Variants in MYOM2 observed in about 807,000 individuals in gnomAD.
The protein encoded by MYOM2 is myomesin-2.
MYOM2 carries 254 observed loss-of-function variants against 187.6 expected under a neutral mutation model. That is an observed-to-expected ratio of 1.35 (90% CI 1.22 to 1.50). The LOEUF (loss-of-function observed/expected upper bound fraction) is 1.50. Ranked by LOEUF, MYOM2 falls within the 40% of genes most tolerant of loss-of-function variation. The pLI, the probability that MYOM2 is intolerant of heterozygous loss-of-function variation, is 0.00. For synonymous variants in MYOM2, 981 were observed against 753.8 expected, an observed-to-expected ratio of 1.30 and a Z score of -4.94; for missense variants, 2,796 against 1,924.0, an observed-to-expected ratio of 1.45 and a Z score of -8.48.
chr8:2,049,592 G>A (rs754183104), intron 1 of MYOM2, among the ~76,000 whole-genome samples: 12 of 152,194 alleles, frequency 7.9e-5, no homozygotes, highest in Non-Finnish European at 1.3e-4. Flanking sequence ...CACCCCTGGG[G>A]CTGTGCCATG....
At chr8:2,059,052 C>G in intron 5 of MYOM2, 101 bp from the exon 6 acceptor site, 1 of 914,292 alleles carries the variant, frequency 1.1e-6, no homozygotes, top group East Asian at 2.5e-5. Flanking sequence ...CTAAGGGAAA[C>G]CTGCAGAAAT....
At chr8:2,121,893 G>A (rs538083964) in intron 28 of MYOM2, among the ~76,000 whole-genome samples, 3 of 152,324 alleles carry the variant, frequency 2.0e-5, no homozygotes, top group South Asian at 4.1e-4. Flanking sequence ...TGCAGTTTAG[G>A]TGCCCATATT....
In MYOM2 at chr8:2,093,959, G is replaced by T; in HGVS notation, c.2004-11G>T. 1 of 1,613,832 alleles carries T rather than the reference G, an allele frequency of 6.2e-7. No homozygotes were observed. The highest frequency in any genetic ancestry group is 8.5e-7 in the Non-Finnish European group (1 of 1,179,918). On this transcript the variant is annotated splice_polypyrimidine_tract_variant and intron_variant, in intron 16 of 36. Coordinates refer to ENST00000262113, the MANE Select transcript of MYOM2 (RefSeq NM_003970.4). ...CCTGGCAGTTCTGACCCTGATCCCTGTGTTTCTCAGGTTCGTGGTGCACGG... is the reference window on the plus strand; with the variant it reads ...CCTGGCAGTTCTGACCCTGATCCCTTTGTTTCTCAGGTTCGTGGTGCACGG...
chr8:2,144,697 C>G lies in MYOM2; in HGVS notation c.4114C>G (p.Pro1372Ala), dbSNP rs752676808. The change falls in exon 37 of 37, where the codon CCT becomes GCT. Residue 1372 changes from proline to alanine, a missense_variant. Physicochemically the swap from Pro to Ala is conservative, Grantham distance 27 (BLOSUM62 -1). Transcript: ENST00000262113. ...LNLTCTVFGN[P>A]DPEVIWFKND... ...TCTGACCTGCACGGTGTTTGGAAACCCTGACCCCGAAGTGATTTGGTTCAA... is the reference window on the plus strand; with the variant it reads ...TCTGACCTGCACGGTGTTTGGAAACGCTGACCCCGAAGTGATTTGGTTCAA... 1.2e-6 allele frequency: 2 copies of G among 1,613,942 alleles called. No individual in the cohort carries two copies. The highest frequency in any genetic ancestry group is 1.3e-5 in the African/African-American group (1 of 74,886).
chr8:2,076,515 G>A (rs1339951692), intron 11 of MYOM2: 9 of 545,296 alleles, frequency 1.7e-5, no homozygotes, highest in East Asian at 1.0e-4. Context: ...GTGGAGGCTC[G>A]TTTGCCTGTT....
At position 2,072,400 on chromosome 8, in the gene MYOM2, G is replaced by A. The variant is rs1819261136; in HGVS notation, c.849G>A (p.Lys283=). 6 of 1,614,188 alleles carry A rather than the reference G, an allele frequency of 3.7e-6. No individual in the cohort carries two copies. Among genetic ancestry groups the A allele is most frequent in the Non-Finnish European group, 5.1e-6 (6 of 1,180,024 alleles). Residue 283 remains lysine (K), a synonymous_variant, in exon 9 of 37, where the codon AAG becomes AAA. Transcript: ENST00000262113. ...YTHFDVQFLE[K]FGVTFRREGE... ...ACTTCGACGTCCAGTTTTTGGAGAA[G>A]TTTGGGGTCACCTTCAGGAGGGAAG...
chr8:2,117,744 A>T (rs560836100), intron 27 of MYOM2, 141 bp from the exon 28 acceptor site: 1 of 505,596 alleles, frequency 2.0e-6, no homozygotes, highest in Non-Finnish European at 3.3e-6. Context: ...AAAATGCATT[A>T]CATAAATATA....
chr8:2,091,611 A>C (rs933711760), intron 15 of MYOM2, among the ~76,000 whole-genome samples: 1 of 152,322 alleles, frequency 6.6e-6, no homozygotes, highest in South Asian at 2.1e-4. Context: ...GAAATGAACA[A>C]GGTCACGAGG....
intron 21 of MYOM2, 55 bp from the exon 22 acceptor site, chr8:2,106,187 G>C (rs1184968484): frequency 1.9e-6 from 3 of 1,557,976 alleles, no homozygotes; most frequent in Non-Finnish European, 2.6e-6. Context: ...TCCCAAAAGA[G>C]AGTTGAAAGA....
chr8:2,076,291 C>G lies in MYOM2; in HGVS notation c.1262+9C>G. ...GGCTATTTTGTGGACCGGTGAGCGT[C>G]TTGCATTCTCCCGGGGATGGGAACG... is the stretch of plus-strand genomic sequence containing the variant. On this transcript the variant is annotated intron_variant, in intron 11 of 36. Coordinates refer to ENST00000262113, the MANE Select transcript of MYOM2 (RefSeq NM_003970.4). 2 of 1,612,868 alleles carry G rather than the reference C, an allele frequency of 1.2e-6. No homozygotes were observed. Among genetic ancestry groups the G allele is most frequent in the East Asian group, 2.2e-5 (1 of 44,876 alleles).
At chr8:2,045,471 G>T (rs1751716153) in intron 1 of MYOM2, among the ~76,000 whole-genome samples, 1 of 152,210 alleles carries the variant, frequency 6.6e-6, no homozygotes. Flanking sequence ...CGTGGCCCCA[G>T]GGGGCCCCCC....
intron 36 of MYOM2, 104 bp from the exon 37 acceptor site, chr8:2,144,560 C>CAAA (rs1563088359): frequency 8.8e-7 from 1 of 1,141,456 alleles, no homozygotes; most frequent in Non-Finnish European, 1.3e-6. Context: ...GATTGAAGGA[C>CAAA]CAATAAATGT....
intron 23 of MYOM2, among the ~76,000 whole-genome samples, chr8:2,108,416 C>T (rs1015469676): frequency 6.6e-6 from 1 of 152,008 alleles, no homozygotes; most frequent in African/African-American, 2.4e-5. Flanking sequence ...GAAGCACGTT[C>T]TCAGCCAGTG....
intron 30 of MYOM2, 25 bp from the exon 31 acceptor site, chr8:2,124,154 G>A (rs1797553515): frequency 1.2e-6 from 2 of 1,605,552 alleles, no homozygotes; most frequent in African/African-American, 1.3e-5. Context: ...ATGTCGTAAT[G>A]GTGCGTATCC....
At chr8:2,073,670 G>A (rs926503305) in intron 10 of MYOM2, among the ~76,000 whole-genome samples, 170 bp downstream of exon 10, 1 of 152,216 alleles carries the variant, frequency 6.6e-6, no homozygotes, top group Non-Finnish European at 1.5e-5. Context: ...GGCACGCCAG[G>A]TGCTTCCTGC....
At chr8:2,125,099 C>G (rs1797591125) in intron 31 of MYOM2, among the ~76,000 whole-genome samples, 1 of 152,126 alleles carries the variant, frequency 6.6e-6, no homozygotes, top group Non-Finnish European at 1.5e-5. Flanking sequence ...TGTGCAGTAC[C>G]ATTTATTTAC....
intron 25 of MYOM2, among the ~76,000 whole-genome samples, chr8:2,113,053 G>A (rs1585927694): frequency 6.6e-6 from 1 of 152,196 alleles, no homozygotes; most frequent in African/African-American, 2.4e-5. Context: ...AGCTGAGATC[G>A]ATCCGACAGG....
At chr8:2,133,146 T>G (rs1797934920) in intron 32 of MYOM2, among the ~76,000 whole-genome samples, 1 of 146,960 alleles carries the variant, frequency 6.8e-6, no homozygotes, top group Admixed American at 6.8e-5. Context: ...TGTTCACTAT[T>G]TAGACAGCAG....
At chr8:2,074,667 C>G (rs1304890459) in intron 10 of MYOM2, among the ~76,000 whole-genome samples, 1 of 152,160 alleles carries the variant, frequency 6.6e-6, no homozygotes, top group Non-Finnish European at 1.5e-5. Context: ...GTTGGCCAGG[C>G]TGGTCTCGAA....
Sources: gnomAD v4.1 joint callset for allele counts (sites outside exome capture counted in the v4.1 genomes callset) on GRCh38, gnomAD v4.1.1 for gene constraint, MANE v1.5 for transcripts, NCBI Gene and HGNC (gene_info 2026-07-23, HGNC 2026-07-21) for gene names.